ST18: variants seen among roughly 807,000 people sequenced by gnomAD.
ST18 encodes the protein ST18 C2H2C-type zinc finger transcription factor.
Under a neutral mutation model 110.0 loss-of-function variants are expected in ST18, and 50 were observed. The ratio of observed to expected loss-of-function variants is 0.45; its 90% CI spans 0.36 to 0.58. The LOEUF is 0.58. Among genes scored for constraint, ST18 ranks in the 20% least tolerant of loss-of-function variants. The pLI, the probability that ST18 is intolerant of heterozygous loss-of-function variation, is 0.00. For missense variants in ST18, 1,306 were observed against 1,280.1 expected (o/e 1.02, Z -0.31); for synonymous variants, 461 against 452.4 (o/e 1.02, Z -0.24).
chr8:52,213,266 T>A (rs1352028201), intron 7 of ST18, among the ~76,000 whole-genome samples: 1 of 152,208 alleles, frequency 6.6e-6, no homozygotes, highest in Non-Finnish European at 1.5e-5. Context: ...CTTGAATTTA[T>A]TAAAAATGTT....
intron 2 of ST18, among the ~76,000 whole-genome samples, chr8:52,349,006 C>T (rs1001690912): frequency 3.3e-5 from 5 of 152,076 alleles, no homozygotes; most frequent in East Asian, 1.9e-4. Flanking sequence ...CCATGCCCAA[C>T]CCCCACGCCC....
rs552205725 is a variant in ST18 at position 52,299,781 on chromosome 8, A to T, written c.-464-69704T>A. On this transcript the variant is annotated intron_variant, in intron 2 of 25. Coordinates refer to ENST00000689386, the MANE Select transcript of ST18 (RefSeq NM_001352837.2). ...ATAAGTGGTATGAACTCAGGCCAAA[A>T]GTGGGTGTAAGCTTCACCTCTGGGT... 5.3e-5 allele frequency among the ~76,000 whole-genome samples: 8 copies of T among 152,342 alleles called. No individual in the cohort carries two copies. The South Asian group carries it at 1.5e-3, about 28-fold the overall frequency.
chr8:52,158,172 T>C (rs1259464230), intron 15 of ST18, among the ~76,000 whole-genome samples: 2 of 152,198 alleles, frequency 1.3e-5, no homozygotes, highest in African/African-American at 2.4e-5. Flanking sequence ...AGGATCTTTG[T>C]TTTTTGGTTT....
intron 16 of ST18, among the ~76,000 whole-genome samples, chr8:52,144,595 G>C (rs150090578): frequency 6.6e-6 from 1 of 152,036 alleles, no homozygotes; most frequent in South Asian, 2.1e-4. Context: ...ATTGTCTTCA[G>C]ATTACATTAA....
intron 23 of ST18, among the ~76,000 whole-genome samples, chr8:52,122,477 T>G (rs1390996615): frequency 1.3e-5 from 2 of 151,800 alleles, no homozygotes; most frequent in South Asian, 2.1e-4. Flanking sequence ...CTTCTATTAT[T>G]TATTTATTTA....
chr8:52,340,804 G>C (rs1323362262), intron 2 of ST18, among the ~76,000 whole-genome samples: 1 of 152,092 alleles, frequency 6.6e-6, no homozygotes, highest in Admixed American at 6.5e-5. Context: ...CCTCCCTGTT[G>C]TCACCAAACT....
chr8:52,352,857 A>C (rs1821023889), intron 2 of ST18, among the ~76,000 whole-genome samples: 1 of 152,246 alleles, frequency 6.6e-6, no homozygotes, highest in African/African-American at 2.4e-5. Flanking sequence ...GTATGTATTT[A>C]AAATTCCTCA....
intron 8 of ST18, among the ~76,000 whole-genome samples, chr8:52,188,241 T>C (rs186959160): frequency 1.1e-4 from 17 of 152,248 alleles, no homozygotes; most frequent in Admixed American, 5.2e-4. Context: ...ACAGGAAATA[T>C]ATGCTAGCAA....
At chr8:52,245,326 C>A (rs926760047) in intron 2 of ST18, among the ~76,000 whole-genome samples, 2 of 151,922 alleles carry the variant, frequency 1.3e-5, no homozygotes, top group Non-Finnish European at 2.9e-5. Context: ...AAAAAATTAA[C>A]CATTTCCTTT....
At chr8:52,119,961 G>A (rs1408947298) in intron 23 of ST18, among the ~76,000 whole-genome samples, 1 of 152,200 alleles carries the variant, frequency 6.6e-6, no homozygotes, top group African/African-American at 2.4e-5. Flanking sequence ...AGGTACCTTA[G>A]TAGTTAGACC....
At chr8:52,208,643 G>A (rs1465340699) in intron 8 of ST18, among the ~76,000 whole-genome samples, 3 of 152,126 alleles carry the variant, frequency 2.0e-5, no homozygotes, top group Non-Finnish European at 2.9e-5. Flanking sequence ...TGGCTAACAC[G>A]GTGAAACCCC....
chr8:52,234,847 A>C (rs377347007), intron 2 of ST18, among the ~76,000 whole-genome samples: 1 of 152,138 alleles, frequency 6.6e-6, no homozygotes. Context: ...CATTAGTCTA[A>C]GTGAAGTAAC....
intron 24 of ST18, among the ~76,000 whole-genome samples, chr8:52,117,680 G>A (rs979069270): frequency 2.0e-5 from 3 of 152,262 alleles, no homozygotes; most frequent in African/African-American, 7.2e-5. Flanking sequence ...CAGTAACCAT[G>A]GTGGCATAAA....
intron 2 of ST18, among the ~76,000 whole-genome samples, chr8:52,257,375 G>A (rs1292138940): frequency 6.6e-6 from 1 of 152,084 alleles, no homozygotes; most frequent in Non-Finnish European, 1.5e-5. Flanking sequence ...TTTTCAATGT[G>A]CCTGCACAAT....
In ST18 at chr8:52,172,572, T is replaced by C; in HGVS notation, c.289A>G (p.Ile97Val). The change falls in exon 10 of 26, where the codon ATA becomes GTA. Residue 97 changes from isoleucine (I) to valine (V), a missense_variant. Transcript: ENST00000689386. Reference protein sequence around the residue: ...HGHSTAEEIMIKPMDESLLST... With the variant: ...HGHSTAEEIMVKPMDESLLST... The stretch of plus-strand genomic sequence containing the variant: ...AGAAGACTTTCATCCATAGGTTTTA[T>C]CATGATTTCCTCTATGGAAAAAGAA... The C allele has an allele frequency of 1.3e-6, 2 of 1,570,340 alleles. No individual in the cohort carries two copies. Among genetic ancestry groups the C allele is most frequent in the Non-Finnish European group, 1.7e-6 (2 of 1,163,342 alleles).
chr8:52,375,335 C>T (rs1564610150), intron 2 of ST18, among the ~76,000 whole-genome samples: 1 of 152,270 alleles, frequency 6.6e-6, no homozygotes, highest in Non-Finnish European at 1.5e-5. Flanking sequence ...CTCTCAAAAC[C>T]ACTGCCTTAG....
chr8:52,115,841 T>C (rs2042346185), intron 25 of ST18, among the ~76,000 whole-genome samples: 1 of 152,188 alleles, frequency 6.6e-6, no homozygotes, highest in South Asian at 2.1e-4. Context: ...TTCTTCATAC[T>C]TCCATATGAA....
At chr8:52,388,382 C>T (rs1053073522) in intron 2 of ST18, among the ~76,000 whole-genome samples, 4 of 152,034 alleles carry the variant, frequency 2.6e-5, no homozygotes, top group Non-Finnish European at 5.9e-5. Flanking sequence ...TCCTCCCACC[C>T]GCCTCCAACT....
chr8:52,333,744 G>A (rs1399715187), intron 2 of ST18, among the ~76,000 whole-genome samples: 1 of 152,200 alleles, frequency 6.6e-6, no homozygotes, highest in Non-Finnish European at 1.5e-5. Context: ...AAACTATTGT[G>A]TACAATATGT....
Sources: allele counts gnomAD v4.1 joint callset (sites outside exome capture counted in the v4.1 genomes callset), GRCh38; gene constraint gnomAD v4.1.1; transcripts MANE v1.5; gene names NCBI Gene and HGNC (gene_info 2026-07-23, HGNC 2026-07-21).